Variants in NNMT observed in about 807,000 individuals in gnomAD.
NNMT encodes the protein nicotinamide N-methyltransferase.
NNMT carries 10 observed loss-of-function variants against 11.7 expected under a neutral mutation model. The ratio of observed to expected loss-of-function variants is 0.85; its 90% CI spans 0.53 to 1.45. The LOEUF (loss-of-function observed/expected upper bound fraction) is 1.45, where lower values mean the gene tolerates loss of function less well. Ranked by LOEUF, NNMT falls within the 40% of genes most tolerant of loss-of-function variation. NNMT has a pLI of 0.00. For missense variants in NNMT, 381 were observed against 319.4 expected (o/e 1.19, Z -1.47); for synonymous variants, 143 against 133.8 (o/e 1.07, Z -0.48).
chr11:114,305,767 G>T (rs554532415), intron 2 of NNMT, among the ~76,000 whole-genome samples: 113 of 152,086 alleles, frequency 7.4e-4, no homozygotes, highest in African/African-American at 2.7e-3. Flanking sequence ...ATTTGGGTTG[G>T]TTCCAAGTCT....
chr11:114,279,095 G>A (rs1429429382), intron 2 of NNMT, among the ~76,000 whole-genome samples: 2 of 152,162 alleles, frequency 1.3e-5, no homozygotes, highest in Non-Finnish European at 1.5e-5. Flanking sequence ...TTCACATTGG[G>A]AGACTATTGG....
At chr11:114,279,248 T>TA (rs1945240213) in intron 2 of NNMT, among the ~76,000 whole-genome samples, 2 of 152,130 alleles carry the variant, frequency 1.3e-5, no homozygotes, top group South Asian at 2.1e-4. Context: ...CTGAATTTAT[T>TA]AAAAAACACA....
intron 2 of NNMT, among the ~76,000 whole-genome samples, chr11:114,305,103 A>G (rs1201265711): frequency 6.6e-6 from 1 of 152,234 alleles, no homozygotes; most frequent in Admixed American, 6.5e-5. Flanking sequence ...GTCAGGCCCC[A>G]CTAGCTACCT....
intron 2 of NNMT, among the ~76,000 whole-genome samples, chr11:114,311,589 G>T (rs1208946510): frequency 2.0e-5 from 3 of 152,186 alleles, no homozygotes; most frequent in African/African-American, 7.2e-5. Context: ...CTACTGCAAA[G>T]ATAATGTTTC....
At chr11:114,287,030 T>C (rs961073474) in intron 2 of NNMT, among the ~76,000 whole-genome samples, 1 of 152,224 alleles carries the variant, frequency 6.6e-6, no homozygotes, top group African/African-American at 2.4e-5. Context: ...CTAGGTTTAT[T>C]GGTCACTTGG....
At chr11:114,309,716 A>G (rs1164372758) in intron 2 of NNMT, among the ~76,000 whole-genome samples, 2 of 152,174 alleles carry the variant, frequency 1.3e-5, no homozygotes, top group African/African-American at 4.8e-5. Context: ...CTTCATCACA[A>G]TCAATTTTAC....
In NNMT at chr11:114,312,681, C is replaced by G; in HGVS notation, c.*204C>G. 1.8e-6 allele frequency: 1 copy of G among 549,872 alleles called. No individual in the cohort carries two copies. The highest frequency in any genetic ancestry group is 3.2e-6 in the Non-Finnish European group (1 of 311,754). The allele number at this position is 549,872 out of a possible 1,614,324, so 34.1% of individuals were successfully genotyped here. On this transcript the variant is annotated 3_prime_UTR_variant, in exon 3 of 3. Transcript: ENST00000299964. Reference sequence around the variant, plus strand: ...CACACAAATGTTGGTGCTATGGGACCCAAAGATGAGCAATTAGTATTCCAG... The same window carrying G: ...CACACAAATGTTGGTGCTATGGGACGCAAAGATGAGCAATTAGTATTCCAG...
In NNMT at chr11:114,296,470, A is replaced by G; in HGVS notation, c.-87A>G. On this transcript the variant is annotated 5_prime_UTR_variant, in exon 1 of 3. Coordinates refer to ENST00000299964, the MANE Select transcript of NNMT (RefSeq NM_006169.3). ...AAGGAATGCTGTTAGCCTGAGACTC[A>G]GGAAGACAACTTCTGCAGGGTCACT... The G allele has an allele frequency of 6.9e-7, 1 of 1,441,586 alleles. No homozygotes were observed. The highest frequency in any genetic ancestry group is 9.5e-7 in the Non-Finnish European group (1 of 1,057,048). 89.3% of individuals were successfully genotyped at this position (1,441,586 alleles called of 1,614,324 possible).
intron 1 of NNMT, among the ~76,000 whole-genome samples, chr11:114,258,621 A>G (rs887635409): frequency 2.0e-5 from 3 of 152,234 alleles, no homozygotes; most frequent in African/African-American, 4.8e-5. Flanking sequence ...CTTGCTGCCC[A>G]GAGCGATTTT....
At chr11:114,279,044 C>A (rs542839872) in intron 2 of NNMT, among the ~76,000 whole-genome samples, 1 of 152,246 alleles carries the variant, frequency 6.6e-6, no homozygotes, top group East Asian at 1.9e-4. Flanking sequence ...GTGTGTCCTG[C>A]GATAGGTTCT....
chr11:114,279,339 G>T (rs1357061365), intron 2 of NNMT, among the ~76,000 whole-genome samples: 1 of 152,208 alleles, frequency 6.6e-6, no homozygotes, highest in Non-Finnish European at 1.5e-5. Flanking sequence ...AATACAAGGG[G>T]ATGATGGGAA....
At chr11:114,305,937 A>G (rs1056213197) in intron 2 of NNMT, among the ~76,000 whole-genome samples, 3 of 152,132 alleles carry the variant, frequency 2.0e-5, no homozygotes, top group Admixed American at 1.3e-4. Context: ...GACTTCCACA[A>G]TGGTTGAACT....
intron 2 of NNMT, among the ~76,000 whole-genome samples, chr11:114,289,740 G>C (rs1023698758): frequency 1.3e-5 from 2 of 152,132 alleles, no homozygotes; most frequent in Non-Finnish European, 2.9e-5. Flanking sequence ...GAAATATGTT[G>C]AGGCTTGCTT....
chr11:114,310,345 CTGA>C (rs1945538358), intron 2 of NNMT, among the ~76,000 whole-genome samples: 1 of 152,204 alleles, frequency 6.6e-6, no homozygotes, highest in African/African-American at 2.4e-5. Context: ...TTGCATTTCT[CTGA>C]TGACTGACAA....
At position 114,298,017 on chromosome 11, in the gene NNMT, C is replaced by G. The variant is rs369210703; in HGVS notation, c.221C>G (p.Ala74Gly). ...CCCACTATCTATCAGCTCCTCTCTG[C>G]TTGTGAATCCTTTAAGGAGATCGTC... ...SGPTIYQLLS[A>G]CESFKEIVVT... The change falls in exon 2 of 3, where the codon GCT (alanine) becomes GGT (glycine). Residue 74 changes from alanine to glycine, a missense_variant. Coordinates refer to ENST00000299964, the MANE Select transcript of NNMT (RefSeq NM_006169.3). The G allele has an allele frequency of 2.5e-6, 4 of 1,613,932 alleles. No individual in the cohort carries two copies. The Admixed American group carries it at 5.0e-5, about 20-fold the overall frequency.
chr11:114,312,776 G>C lies in NNMT; in HGVS notation c.*299G>C. ...CATCTAGTTATGGCGGCTCAAGCCC[G>C]TACCTGCCTACAGAGAAGTGTCTGC... On this transcript the variant is annotated 3_prime_UTR_variant, in exon 3 of 3. Coordinates refer to ENST00000299964, the MANE Select transcript of NNMT (RefSeq NM_006169.3). The C allele has an allele frequency of 2.9e-6, 1 of 350,304 alleles. No homozygotes were observed. The highest frequency in any genetic ancestry group is 6.9e-5 in the South Asian group (1 of 14,542). The allele number at this position is 350,304 out of a possible 1,614,324, so 21.7% of individuals were successfully genotyped here.
At chr11:114,294,303 C>A (rs1945355699), upstream of NNMT, among the ~76,000 whole-genome samples, 1 of 151,876 alleles carries the variant, frequency 6.6e-6, no homozygotes, top group Non-Finnish European at 1.5e-5. Flanking sequence ...TATGATGAAA[C>A]CCCGTCTCTA....
rs1197444061 is a variant in NNMT at position 114,296,586 on chromosome 11, C to T, written c.30C>T (p.Thr10=). The T allele has an allele frequency of 6.2e-7, 1 of 1,614,086 alleles. No homozygotes were observed. The highest frequency in any genetic ancestry group is 1.1e-5 in the South Asian group (1 of 91,082). The part of the protein sequence containing the change: MESGFTSKD[T]YLSHFNPRDY... ...AATCAGGCTTCACCTCCAAGGACACCTATCTAAGCCATTTTAACCCTCGGG... is the reference window on the plus strand; with the variant it reads ...AATCAGGCTTCACCTCCAAGGACACTTATCTAAGCCATTTTAACCCTCGGG... The change falls in exon 1 of 3, where the codon ACC becomes ACT. Residue 10 remains threonine (T), a synonymous_variant. Coordinates refer to ENST00000299964, the MANE Select transcript of NNMT (RefSeq NM_006169.3).
intron 2 of NNMT, among the ~76,000 whole-genome samples, chr11:114,283,886 G>A (rs1945278830): frequency 6.6e-6 from 1 of 152,110 alleles, no homozygotes; most frequent in Admixed American, 6.5e-5. Context: ...TTTTACATAG[G>A]TAATAAACAG....
Sources: gnomAD v4.1 joint callset for allele counts (sites outside exome capture counted in the v4.1 genomes callset) on GRCh38, gnomAD v4.1.1 for gene constraint, MANE v1.5 for transcripts, NCBI Gene and HGNC (gene_info 2026-07-23, HGNC 2026-07-21) for gene names.